The following SLC7A6 variants were observed in gnomAD, a reference collection of about 807,000 sequenced individuals.
SLC7A6 encodes the protein solute carrier family 7 member 6.
SLC7A6 carries 29 observed loss-of-function variants against 46.6 expected under a neutral mutation model. The observed-to-expected ratio is 0.62, with a 90% CI of 0.46 to 0.85. The LOEUF (loss-of-function observed/expected upper bound fraction) is 0.85, where lower values mean the gene tolerates loss of function less well. SLC7A6 is among the 40% of genes least tolerant of loss of function. The pLI is 0.00. For missense variants in SLC7A6, 527 were observed against 647.6 expected, an observed-to-expected ratio of 0.81 and a Z score of 2.02; for synonymous variants, 276 against 257.3, an observed-to-expected ratio of 1.07 and a Z score of -0.70.
At position 68,301,387 on chromosome 16, in the gene SLC7A6, C is replaced by T. The variant is rs200760334; in HGVS notation, c.*4059C>T. ...GCTGCCTCTTTCCTCCTCACTCAGG[C>T]TGTTGTAGTCAGCAGAGCCTAGAAT... On this transcript the variant is annotated 3_prime_UTR_variant, in exon 11 of 11. Transcript: ENST00000219343. The T allele has an allele frequency of 2.5e-6, 4 of 1,614,090 alleles. No homozygotes were observed. Among genetic ancestry groups the T allele is most frequent in the Admixed American group, 1.7e-5 (1 of 60,006 alleles).
Position 68,297,406 on chromosome 16 carries a change from C to G in SLC7A6, c.*78C>G. 1.6e-6 allele frequency: 2 copies of G among 1,226,552 alleles called. No individual in the cohort carries two copies. The highest frequency in any genetic ancestry group is 2.4e-6 in the Non-Finnish European group (2 of 847,428). The allele number at this position is 1,226,552 out of a possible 1,614,324, so 76.0% of individuals were successfully genotyped here. On this transcript the variant is annotated 3_prime_UTR_variant, in exon 11 of 11. Transcript: ENST00000219343. ...TGATAACAAGACTCTGTGGGCCCAA[C>G]TCTCCTGAATTAAAGGAGCCTTTTG...
chr16:68,268,106 CTG>C (rs1322911255), intron 2 of SLC7A6, among the ~76,000 whole-genome samples: 1 of 152,228 alleles, frequency 6.6e-6, no homozygotes, highest in Non-Finnish European at 1.5e-5. Context: ...AAGTGTTTCT[CTG>C]AGTTCTGTGA....
chr16:68,293,315 T>C (rs960580647), intron 7 of SLC7A6, among the ~76,000 whole-genome samples: 1 of 152,060 alleles, frequency 6.6e-6, no homozygotes, highest in Non-Finnish European at 1.5e-5. Flanking sequence ...TCCCAGCCGC[T>C]CGGGAGGGTG....
intron 10 of SLC7A6, 61 bp downstream of exon 10, chr16:68,296,871 G>C (rs549810039): frequency 9.6e-6 from 15 of 1,555,188 alleles, no homozygotes; most frequent in Admixed American, 1.8e-5. Context: ...ATGCAGAGGT[G>C]GGGGGTGGCT....
intron 2 of SLC7A6, among the ~76,000 whole-genome samples, chr16:68,272,546 T>C (rs921643461): frequency 6.6e-6 from 1 of 152,220 alleles, no homozygotes; most frequent in African/African-American, 2.4e-5. Context: ...GCAGGAACTT[T>C]GTCTTTCATT....
chr16:68,278,864 T>A (rs1366172887), intron 3 of SLC7A6, among the ~76,000 whole-genome samples: 12 of 151,898 alleles, frequency 7.9e-5, no homozygotes, highest in Admixed American at 2.0e-4. Context: ...GCAGAGGGGC[T>A]CCTCACTTCC....
rs191630557 is a variant in SLC7A6 at position 68,266,193 on chromosome 16, G to A, written c.-165-400G>A. Among the ~76,000 whole-genome samples, 332 of 152,192 alleles carry A rather than the reference G, an allele frequency of 2.2e-3. 3 individuals are homozygous for A. Among genetic ancestry groups the A allele is most frequent in the Middle Eastern group, 6.8e-3 (2 of 294 alleles). On this transcript the variant is annotated intron_variant, in intron 1 of 10. Coordinates refer to ENST00000219343, the MANE Select transcript of SLC7A6 (RefSeq NM_003983.6). ...GAGAATGGCTTGAACCCGGGAGGCG[G>A]AGGTTGCAGTGAGCCAAGATTGCGC...
chr16:68,277,828 T>C (rs969731484), intron 3 of SLC7A6, among the ~76,000 whole-genome samples: 2 of 151,280 alleles, frequency 1.3e-5, no homozygotes, highest in Non-Finnish European at 2.9e-5. Flanking sequence ...GGTTTCTCCA[T>C]GTTGGTCAGG....
intron 3 of SLC7A6, among the ~76,000 whole-genome samples, chr16:68,282,107 G>T (rs1268318357): frequency 6.6e-6 from 1 of 152,188 alleles, no homozygotes; most frequent in African/African-American, 2.4e-5. Flanking sequence ...CAGTAGAAAA[G>T]ATACGCTCCT....
rs528809693 is a variant in SLC7A6 at position 68,290,386 on chromosome 16, G to A, written c.650-10G>A. ...CTCTCTGAACCCCTCACCTGCCTTT[G>A]CCCCCACAGGACACTCTGAGCACTT... On this transcript the variant is annotated splice_polypyrimidine_tract_variant and intron_variant, in intron 4 of 10. Transcript: ENST00000219343. The A allele has an allele frequency of 2.9e-4, 474 of 1,613,058 alleles. 7 individuals are homozygous for A. The South Asian group carries it at 4.9e-3, about 17-fold the overall frequency.
intron 7 of SLC7A6, among the ~76,000 whole-genome samples, chr16:68,294,052 C>A (rs993451800): frequency 1.3e-5 from 2 of 152,142 alleles, no homozygotes; most frequent in Admixed American, 6.5e-5. Context: ...CATGTGCTAC[C>A]GCGCCCGGCT....
At chr16:68,297,039 G>A (rs986665257) in intron 10 of SLC7A6, among the ~76,000 whole-genome samples, 195 bp from the exon 11 acceptor site, 27 of 152,214 alleles carry the variant, frequency 1.8e-4, no homozygotes, top group African/African-American at 6.3e-4. Flanking sequence ...CTGGGAAGAT[G>A]AGTTGTGCAT....
At chr16:68,287,978 G>C (rs1356125804) in intron 4 of SLC7A6, 107 bp downstream of exon 4, 1 of 1,471,176 alleles carries the variant, frequency 6.8e-7, no homozygotes, top group Non-Finnish European at 9.2e-7. Flanking sequence ...GTACATGCTA[G>C]CATGTGTCAG....
intron 3 of SLC7A6, among the ~76,000 whole-genome samples, chr16:68,283,054 A>C (rs1370183774): frequency 6.6e-6 from 1 of 152,158 alleles, no homozygotes; most frequent in East Asian, 1.9e-4. Context: ...GGGAAAAGAG[A>C]GTTGTGACTA....
At chr16:68,276,318 A>C (rs554601201) in intron 3 of SLC7A6, among the ~76,000 whole-genome samples, 1 of 152,384 alleles carries the variant, frequency 6.6e-6, no homozygotes, top group South Asian at 2.1e-4. Flanking sequence ...TTGCAGAACT[A>C]GTGTTTTAAA....
Position 68,268,549 on chromosome 16 carries a change from C to A in SLC7A6, c.-37+1828C>A, listed in dbSNP as rs146129263. On this transcript the variant is annotated intron_variant, in intron 2 of 10. Coordinates refer to ENST00000219343, the MANE Select transcript of SLC7A6 (RefSeq NM_003983.6). ...TCCTTTGTAATCGAGCTTTTCCCCC[C>A]TTTCATCCCGTTTTCTGATGTAATT... 2.9e-3 allele frequency among the ~76,000 whole-genome samples: 444 copies of A among 152,296 alleles called. 13 individuals are homozygous for A. In the East Asian group the frequency reaches 0.048, roughly 17 times the overall value.
At chr16:68,291,871 T>G (rs1273676678) in intron 7 of SLC7A6, 1 of 557,568 alleles carries the variant, frequency 1.8e-6, no homozygotes, top group Non-Finnish European at 3.2e-6. Flanking sequence ...TGTTTCCATC[T>G]GAGGTGAGGA....
Position 68,301,111 on chromosome 16 carries a change from C to T in SLC7A6, c.*3783C>T. 1 of 1,353,846 alleles carries T rather than the reference C, an allele frequency of 7.4e-7. No homozygotes were observed. Among genetic ancestry groups the T allele is most frequent in the Non-Finnish European group, 9.5e-7 (1 of 1,049,642 alleles). 83.9% of individuals were successfully genotyped at this position (1,353,846 alleles called of 1,614,324 possible). ...AAGTGGAAAAGACTCACTCCCCTAA[C>T]ATAAGTTTTCACTGTGGTGGGATGG... is the stretch of plus-strand genomic sequence containing the variant. On this transcript the variant is annotated 3_prime_UTR_variant, in exon 11 of 11. Transcript: ENST00000219343.
In SLC7A6 at chr16:68,297,413, G is replaced by A. The variant is rs1169950490; in HGVS notation, c.*85G>A. 1.2e-5 allele frequency: 13 copies of A among 1,115,132 alleles called. No homozygotes were observed. In the East Asian group the frequency reaches 3.1e-4, roughly 27 times the overall value. The allele number at this position is 1,115,132 out of a possible 1,614,324, so 69.1% of individuals were successfully genotyped here. ...AAGACTCTGTGGGCCCAACTCTCCTGAATTAAAGGAGCCTTTTGACCCAAT... is the reference window on the plus strand; with the variant it reads ...AAGACTCTGTGGGCCCAACTCTCCTAAATTAAAGGAGCCTTTTGACCCAAT... On this transcript the variant is annotated 3_prime_UTR_variant, in exon 11 of 11. Transcript: ENST00000219343.
Sources: allele counts gnomAD v4.1 joint callset (sites outside exome capture counted in the v4.1 genomes callset), GRCh38; gene constraint gnomAD v4.1.1; transcripts MANE v1.5; gene names NCBI Gene and HGNC (gene_info 2026-07-23, HGNC 2026-07-21).